PARD3B: variants seen among roughly 807,000 people sequenced by gnomAD.
The protein encoded by PARD3B is partitioning defective 3 homolog B.
PARD3B carries 103 observed loss-of-function variants against 130.2 expected under a neutral mutation model. That is an observed-to-expected ratio of 0.79 (90% confidence interval 0.67 to 0.93). PARD3B has a LOEUF of 0.93. Ranked by LOEUF, PARD3B falls within the 40% of genes least tolerant of loss-of-function variation. PARD3B has a pLI of 0.00. For synonymous variants in PARD3B, 583 were observed against 553.2 expected (o/e 1.05, Z -0.76); for missense variants, 1,609 against 1,499.2 (o/e 1.07, Z -1.21).
At chr2:205,246,335 T>C (rs2039571211) in intron 16 of PARD3B, among the ~76,000 whole-genome samples, 1 of 152,094 alleles carries the variant, frequency 6.6e-6, no homozygotes, top group Non-Finnish European at 1.5e-5. Context: ...AGATATTCTC[T>C]AGGAAGTCCA....
chr2:205,417,323 A>C (rs908863572), intron 19 of PARD3B, among the ~76,000 whole-genome samples: 3 of 151,962 alleles, frequency 2.0e-5, no homozygotes, highest in Non-Finnish European at 2.9e-5. Flanking sequence ...TTAATCCAGT[A>C]TATCATTGAT....
intron 4 of PARD3B, among the ~76,000 whole-genome samples, chr2:205,065,286 C>T (rs1476004644): frequency 1.3e-5 from 2 of 152,100 alleles, no homozygotes; most frequent in African/African-American, 4.8e-5. Flanking sequence ...TTGTGAAAAA[C>T]AACTGTAGAA....
rs1265507739 is a variant in PARD3B, at chr2:205,128,649, G to T, written c.1434+2912G>T. On this transcript the variant is annotated intron_variant, in intron 10 of 22. Transcript: ENST00000406610. The surrounding 1 kb of genome is among the most constrained non-coding windows in gnomAD (Gnocchi z 4.5). Reference sequence around the variant, plus strand: ...CTTGTAGCATAGTTTCTGGCTAATTGTAAGTTCTCAAAATACGTTAGCTAT... The same window carrying T: ...CTTGTAGCATAGTTTCTGGCTAATTTTAAGTTCTCAAAATACGTTAGCTAT... Among the ~76,000 whole-genome samples, 2 of 152,126 alleles carry T rather than the reference G, an allele frequency of 1.3e-5. No individual in the cohort carries two copies. Among genetic ancestry groups the T allele is most frequent in the Non-Finnish European group, 2.9e-5 (2 of 68,024 alleles).
At chr2:205,205,705 A>T (rs1021966599) in intron 15 of PARD3B, among the ~76,000 whole-genome samples, 1 of 152,158 alleles carries the variant, frequency 6.6e-6, no homozygotes, top group Admixed American at 6.5e-5. Context: ...TGAGATAATC[A>T]TGTGGTTTTT....
intron 1 of PARD3B, among the ~76,000 whole-genome samples, chr2:204,642,387 T>G (rs1365283198): frequency 6.6e-6 from 1 of 152,230 alleles, no homozygotes; most frequent in East Asian, 1.9e-4. Context: ...TGTTGCTGTT[T>G]ATTAGCTATA....
Position 205,153,026 on chromosome 2 carries a change from G to A in PARD3B, c.1435-5696G>A, listed in dbSNP as rs187046319. On this transcript the variant is annotated intron_variant, in intron 10 of 22. Coordinates refer to ENST00000406610, the MANE Select transcript of PARD3B (RefSeq NM_001302769.2). ...CTAACACTCAGGACGCTCAGCTGCA[G>A]GTCTGTTAGAGTTTGCTGGTGGTCC... 7.4e-4 allele frequency among the ~76,000 whole-genome samples: 113 copies of A among 152,294 alleles called. 1 individual carries two copies. Among genetic ancestry groups the A allele is most frequent in the Non-Finnish European group, 1.5e-3 (105 of 68,024 alleles).
chr2:205,258,263 G>A lies in PARD3B; in HGVS notation c.2185+12441G>A, dbSNP rs1055225144. On this transcript the variant is annotated intron_variant, in intron 16 of 22. Coordinates refer to ENST00000406610, the MANE Select transcript of PARD3B (RefSeq NM_001302769.2). The surrounding 1 kb of genome is among the most constrained non-coding windows in gnomAD (Gnocchi z 4.9). ...AAAGCCTCACTTTCCACCCTTTCCC[G>A]AGCCACCGTCACCTGGAGAGCTTCA... is the stretch of plus-strand genomic sequence containing the variant. Among the ~76,000 whole-genome samples the A allele has an allele frequency of 2.6e-5, 4 of 151,886 alleles. No homozygotes were observed. Among genetic ancestry groups the A allele is most frequent in the Admixed American group, 1.3e-4 (2 of 15,236 alleles).
chr2:204,980,663 A>G (rs1252912687), intron 3 of PARD3B, among the ~76,000 whole-genome samples: 1 of 152,184 alleles, frequency 6.6e-6, no homozygotes, highest in Non-Finnish European at 1.5e-5. Context: ...CTCCAAATCC[A>G]TACCCCCAGG....
At chr2:205,516,727 G>A (rs2050805477) in intron 21 of PARD3B, among the ~76,000 whole-genome samples, 1 of 152,104 alleles carries the variant, frequency 6.6e-6, no homozygotes, top group South Asian at 2.1e-4. Context: ...GAGATAGTTT[G>A]ACTTCCTCTC....
At chr2:205,182,994 G>C (rs140165520) in intron 13 of PARD3B, among the ~76,000 whole-genome samples, 2 of 152,180 alleles carry the variant, frequency 1.3e-5, no homozygotes, top group Non-Finnish European at 2.9e-5. Context: ...GTGTCCAGCC[G>C]TATGCCCAGG....
chr2:204,938,509 C>T (rs1235079470), intron 2 of PARD3B, among the ~76,000 whole-genome samples: 6 of 152,164 alleles, frequency 3.9e-5, no homozygotes, highest in Non-Finnish European at 7.3e-5. Flanking sequence ...CCCAATTCTT[C>T]GGTCTCATTG....
At chr2:205,054,437 T>TTTATATATATATA (rs1699495683) in intron 4 of PARD3B, among the ~76,000 whole-genome samples, 1 of 27,520 alleles carries the variant, frequency 3.6e-5, no homozygotes, top group African/African-American at 1.7e-4. Flanking sequence ...TATATATATA[T>TTTATATATATATA]TTTTTTTTTT....
Position 204,689,541 on chromosome 2 carries a change from A to AT in PARD3B, c.222+3263dup, listed in dbSNP as rs1347442089. On this transcript the variant is annotated intron_variant, in intron 2 of 22. Coordinates refer to ENST00000406610, the MANE Select transcript of PARD3B (RefSeq NM_001302769.2). The surrounding 1 kb of genome is among the most constrained non-coding windows in gnomAD (Gnocchi z 5.2). ...TTGGGATAAATATCTAAGAATTGTA[A>AT]TTTTACACTCATGTCTCCTCTCTGG... Among the ~76,000 whole-genome samples the AT allele has an allele frequency of 1.3e-5, 2 of 152,040 alleles. No homozygotes were observed. Among genetic ancestry groups the AT allele is most frequent in the African/African-American group, 4.8e-5 (2 of 41,400 alleles).
At chr2:204,756,688 T>C (rs1458737224) in intron 2 of PARD3B, among the ~76,000 whole-genome samples, 8 of 152,144 alleles carry the variant, frequency 5.3e-5, no homozygotes, top group African/African-American at 1.7e-4. Flanking sequence ...TCATTCCTAA[T>C]GTTTTATAAT....
chr2:204,570,475 A>G (rs1191741839), intron 1 of PARD3B, among the ~76,000 whole-genome samples: 3 of 152,196 alleles, frequency 2.0e-5, no homozygotes, highest in Non-Finnish European at 4.4e-5. Context: ...TCTAGCTGGA[A>G]TAGGGGGCTC....
intron 21 of PARD3B, among the ~76,000 whole-genome samples, chr2:205,541,740 TTCAG>T (rs1358393473): frequency 3.9e-5 from 6 of 152,284 alleles, no homozygotes; most frequent in Admixed American, 2.6e-4. Context: ...GTTTCATTCA[TTCAG>T]TCAATCAGCA....
At chr2:204,854,368 G>T (rs1174005088) in intron 2 of PARD3B, among the ~76,000 whole-genome samples, 1 of 152,098 alleles carries the variant, frequency 6.6e-6, no homozygotes, top group East Asian at 1.9e-4. Flanking sequence ...AAAAGTATAG[G>T]TTAGAATAAA....
chr2:204,575,898 G>C (rs1383239750), intron 1 of PARD3B, among the ~76,000 whole-genome samples: 1 of 152,164 alleles, frequency 6.6e-6, no homozygotes, highest in East Asian at 1.9e-4. Context: ...CCTGTCCTGT[G>C]ATTTGGTTGC....
intron 21 of PARD3B, among the ~76,000 whole-genome samples, chr2:205,503,469 T>G (rs1353903704): frequency 6.6e-6 from 1 of 152,180 alleles, no homozygotes; most frequent in Non-Finnish European, 1.5e-5. Flanking sequence ...TCTCCTGATT[T>G]ATTCGCTTTG....
Sources: allele counts gnomAD v4.1 joint callset (sites outside exome capture counted in the v4.1 genomes callset), GRCh38; gene constraint gnomAD v4.1.1; non-coding constraint Gnocchi (gnomAD v3.1); transcripts MANE v1.5; gene names NCBI Gene and HGNC (gene_info 2026-07-23, HGNC 2026-07-21).